The following PIK3IP1 variants were observed in gnomAD, a reference collection of about 807,000 sequenced individuals.
The protein encoded by PIK3IP1 is phosphoinositide-3-kinase-interacting protein 1.
Under a neutral mutation model 30.7 loss-of-function variants are expected in PIK3IP1, and 28 were observed. The observed-to-expected ratio is 0.91, with a 90% confidence interval of 0.68 to 1.25. PIK3IP1 has a LOEUF of 1.25. PIK3IP1 is among the 50% of genes most tolerant of loss of function. The probability of loss-of-function intolerance (pLI) is 0.00; values close to 1 mark genes in which losing one functional copy is unlikely to be tolerated. For synonymous variants in PIK3IP1, 159 were observed against 140.8 expected (o/e 1.13, Z -0.91); for missense variants, 333 against 346.2 (o/e 0.96, Z 0.30).
intron 5 of PIK3IP1, among the ~76,000 whole-genome samples, chr22:31,288,442 A>G (rs920918813): frequency 6.8e-4 from 40 of 58,664 alleles, no homozygotes; most frequent in Middle Eastern, 0.018. Context: ...GAGGGAGGAA[A>G]GGAAGGAAAA....
Position 31,291,316 on chromosome 22 carries a change from C to A in PIK3IP1, c.71-20G>T, listed in dbSNP as rs1382413275. ...AACAGCCTGTGAGGAAAAGAAGCCCCCGGACACAGAATAGCGGGCAGCGAA... is the reference window on the plus strand; with the variant it reads ...AACAGCCTGTGAGGAAAAGAAGCCCACGGACACAGAATAGCGGGCAGCGAA... On this transcript the variant is annotated intron_variant, in intron 1 of 5. Coordinates refer to ENST00000215912, the MANE Select transcript of PIK3IP1 (RefSeq NM_052880.5). The A allele has an allele frequency of 6.4e-7, 1 of 1,553,406 alleles. No homozygotes were observed. The highest frequency in any genetic ancestry group is 8.7e-7 in the Non-Finnish European group (1 of 1,148,262).
Position 31,291,223 on chromosome 22 carries a change from G to C in PIK3IP1, c.144C>G (p.Asn48Lys). 1 of 1,550,392 alleles carries C rather than the reference G, an allele frequency of 6.4e-7. No individual in the cohort carries two copies. The highest frequency in any genetic ancestry group is 2.4e-5 in the East Asian group (1 of 40,848). The change falls in exon 2 of 6, where the codon AAC (asparagine) becomes AAG (lysine). Residue 48 changes from asparagine to lysine, a missense_variant. Around this residue, in one of 3 missense-constraint regions of PIK3IP1, gnomAD observed 111 missense variants for 100.1 expected, o/e 1.11. Coordinates refer to ENST00000215912, the MANE Select transcript of PIK3IP1 (RefSeq NM_052880.5). ...TSPAPGLRCL[N>K]WLDAQSGLAS... is the part of the protein sequence containing the mutation. ...CCAGCCCGCTCTGCGCGTCCAGCCA[G>C]TTGAGGCAGCGGAGGCCCGGCGCGG...
At position 31,283,125 on chromosome 22, in the gene PIK3IP1, T is replaced by TGCCCTCCTGAG. The variant is rs1569009828; in HGVS notation, c.740_750dup (p.Thr251LeufsTer49). 3 of 1,612,716 alleles carry TGCCCTCCTGAG rather than the reference T, an allele frequency of 1.9e-6. No individual in the cohort carries two copies. In the Admixed American group the frequency reaches 5.0e-5, roughly 27 times the overall value. On this transcript the variant is annotated frameshift_variant, in exon 6 of 6. Transcript: ENST00000215912. LOFTEE classifies it high-confidence loss of function. ...CCGGCCTGGCCCATAAGGGGGGTGG[T>TGCCCTCCTGAG]GCCCTCCTGAGGGTCAACTGGAGTC...
chr22:31,289,032 C>A, intron 5 of PIK3IP1: 1 of 530,134 alleles, frequency 1.9e-6, no homozygotes. Context: ...AATCCAGGTT[C>A]TGCCACTCCT....
chr22:31,287,014 CTTT>C (rs11427273), intron 5 of PIK3IP1, among the ~76,000 whole-genome samples: 9 of 98,658 alleles, frequency 9.1e-5, no homozygotes, highest in Non-Finnish European at 1.2e-4. Flanking sequence ...CCATTACCCA[CTTT>C]TTTTTTTTTT....
chr22:31,283,450 C>A (rs1054777811), intron 5 of PIK3IP1, among the ~76,000 whole-genome samples, 162 bp from the exon 6 acceptor site: 2 of 152,162 alleles, frequency 1.3e-5, no homozygotes, highest in Non-Finnish European at 2.9e-5. Flanking sequence ...TCTAGGATAT[C>A]CATTCTGCAA....
intron 5 of PIK3IP1, among the ~76,000 whole-genome samples, chr22:31,283,705 G>C (rs912428761): frequency 6.6e-6 from 1 of 151,610 alleles, no homozygotes; most frequent in South Asian, 2.1e-4. Flanking sequence ...GATTACAGGC[G>C]TGAGCCACTG....
At position 31,292,482 on chromosome 22, in the gene PIK3IP1, T is replaced by A. The variant is rs539364529; in HGVS notation, c.-138A>T. 13 of 677,260 alleles carry A rather than the reference T, an allele frequency of 1.9e-5. No homozygotes were observed. The highest frequency in any genetic ancestry group is 2.9e-5 in the Non-Finnish European group (11 of 385,738). The allele number at this position is 677,260 out of a possible 1,614,324, so 42.0% of individuals were successfully genotyped here. A position where few individuals can be genotyped will look rare whatever the true frequency, so the allele number is the denominator to read the frequency against. On this transcript the variant is annotated 5_prime_UTR_variant, in exon 1 of 6. Coordinates refer to ENST00000215912, the MANE Select transcript of PIK3IP1 (RefSeq NM_052880.5). ...GCTGTTCTGGTAAACAGCCTCTCTT[T>A]AGAACTGGGAGCTTCCCAGCTAGCT...
chr22:31,291,769 C>T (rs1485193990), intron 1 of PIK3IP1, among the ~76,000 whole-genome samples: 1 of 147,426 alleles, frequency 6.8e-6, no homozygotes, highest in Admixed American at 6.8e-5. Context: ...GTGTTTCCTC[C>T]TTCACGGATA....
At chr22:31,291,107 G>A in intron 2 of PIK3IP1, 23 bp from the exon 3 acceptor site, 2 of 1,546,344 alleles carry the variant, frequency 1.3e-6, no homozygotes, top group Non-Finnish European at 1.7e-6. Flanking sequence ...AGAAGGAAAT[G>A]TGTGCCGGGG....
At chr22:31,291,384 C>T (rs1188983742) in intron 1 of PIK3IP1, 88 bp from the exon 2 acceptor site, 2 of 1,306,008 alleles carry the variant, frequency 1.5e-6, no homozygotes, top group Non-Finnish European at 1.1e-6. Flanking sequence ...CGGGACCACC[C>T]GGGCTGAACC....
rs1035656883 is a variant in PIK3IP1, at chr22:31,291,387, G to A, written c.71-91C>T. ...GGACAGGGGAGCCGGGACCACCCGG[G>A]CTGAACCTCAGCCTGGTTAGGGGAC... is the stretch of plus-strand genomic sequence containing the variant. On this transcript the variant is annotated intron_variant, in intron 1 of 5. Coordinates refer to ENST00000215912, the MANE Select transcript of PIK3IP1 (RefSeq NM_052880.5). 2.3e-6 allele frequency: 3 copies of A among 1,295,380 alleles called. No individual in the cohort carries two copies. In the Admixed American group the frequency reaches 5.9e-5, roughly 26 times the overall value. 80.2% of individuals were successfully genotyped at this position (1,295,380 alleles called of 1,614,324 possible). A position where few individuals can be genotyped will look rare whatever the true frequency, so the allele number is the denominator to read the frequency against.
At chr22:31,291,806 CA>C (rs3214103) in intron 1 of PIK3IP1, among the ~76,000 whole-genome samples, 119,958 of 152,016 alleles carry the variant, frequency 0.79, 48,311 homozygotes, top group African/African-American at 0.95. Context: ...GTTTAAAAGG[CA>C]AATACTCCCT....
At chr22:31,290,070 C>T (rs554807501) in intron 3 of PIK3IP1, 55 of 191,624 alleles carry the variant, frequency 2.9e-4, no homozygotes, top group African/African-American at 1.1e-3. Flanking sequence ...TCTAAGCGTA[C>T]GCTCTGTGCC....
chr22:31,287,140 C>T (rs2049137529), intron 5 of PIK3IP1, among the ~76,000 whole-genome samples: 1 of 150,120 alleles, frequency 6.7e-6, no homozygotes, highest in Non-Finnish European at 1.5e-5. Context: ...ATCTCAGCCT[C>T]CTTAGTAACT....
In PIK3IP1 at chr22:31,281,835, G is replaced by C. The variant is rs896433516; in HGVS notation, c.*1249C>G. 1 of 152,624 alleles carries C rather than the reference G, an allele frequency of 6.6e-6. No homozygotes were observed. Among genetic ancestry groups the C allele is most frequent in the Non-Finnish European group, 1.5e-5 (1 of 68,064 alleles). The allele number at this position is 152,624 out of a possible 1,614,324, so 9.5% of individuals were successfully genotyped here. ...CCGTCTCCACATTGGGCAGTGGAAG[G>C]GTTCTGGAAAGGAAGCTCTATGGCT... is the stretch of plus-strand genomic sequence containing the variant. On this transcript the variant is annotated 3_prime_UTR_variant, in exon 6 of 6. Transcript: ENST00000215912.
chr22:31,283,907 A>G (rs574706302), intron 5 of PIK3IP1, among the ~76,000 whole-genome samples: 3 of 151,740 alleles, frequency 2.0e-5, no homozygotes, highest in East Asian at 3.9e-4. Flanking sequence ...TGTCAGCTAC[A>G]GGCTTTTTTT....
At chr22:31,288,124 C>T (rs2049145258) in intron 5 of PIK3IP1, among the ~76,000 whole-genome samples, 1 of 152,050 alleles carries the variant, frequency 6.6e-6, no homozygotes, top group Middle Eastern at 3.2e-3. Context: ...TGGTTCATGC[C>T]TATACACTTT....
rs2049091751 is a variant in PIK3IP1 at position 31,281,858 on chromosome 22, G to A, written c.*1226C>T. ...AGGGTTCTGGAAAGGAAGCTCTATGGCTAGGAGCTGCCAAGGCCTCTTGAG... is the reference window on the plus strand; with the variant it reads ...AGGGTTCTGGAAAGGAAGCTCTATGACTAGGAGCTGCCAAGGCCTCTTGAG... On this transcript the variant is annotated 3_prime_UTR_variant, in exon 6 of 6. Transcript: ENST00000215912. 6.5e-6 allele frequency: 1 copy of A among 152,682 alleles called. No homozygotes were observed. Among genetic ancestry groups the A allele is most frequent in the African/African-American group, 2.4e-5 (1 of 41,450 alleles). The allele number at this position is 152,682 out of a possible 1,614,324, so 9.5% of individuals were successfully genotyped here.
Sources: gnomAD v4.1 joint callset for allele counts (sites outside exome capture counted in the v4.1 genomes callset) on GRCh38, gnomAD v4.1.1 for gene constraint, gnomAD v4.1.1 regional missense constraint, MANE v1.5 for transcripts, NCBI Gene and HGNC (gene_info 2026-07-23, HGNC 2026-07-21) for gene names.